Variants in AKAP3 observed in about 807,000 individuals in gnomAD.
The protein encoded by AKAP3 is A-kinase anchor protein 3.
In AKAP3, 27 loss-of-function variants were observed where a neutral mutation model predicts 57.2. The ratio of observed to expected loss-of-function variants is 0.47; its 90% CI spans 0.35 to 0.65. AKAP3 has a LOEUF of 0.65. Among genes scored for constraint, AKAP3 ranks in the 30% least tolerant of loss-of-function variants. AKAP3 has a pLI of 0.01. For missense variants in AKAP3, 959 were observed against 1,040.0 expected, an observed-to-expected ratio of 0.92 and a Z score of 1.07; for synonymous variants, 334 against 392.3, an observed-to-expected ratio of 0.85 and a Z score of 1.76.
At chr12:4,639,539 T>C (rs1945609160) in intron 3 of AKAP3, among the ~76,000 whole-genome samples, 2 of 152,120 alleles carry the variant, frequency 1.3e-5, no homozygotes, top group South Asian at 4.1e-4. Context: ...AGCTCATCAT[T>C]TACATTAGGT....
intron 4 of AKAP3, among the ~76,000 whole-genome samples, chr12:4,635,144 T>G (rs2359251): frequency 0.21 from 31,441 of 152,010 alleles, 3,820 homozygotes; most frequent in East Asian, 0.34. Flanking sequence ...TTTTCCCTAT[T>G]GCTGAAACAT....
At chr12:4,616,916 A>AAT (rs1325975864) in intron 5 of AKAP3, among the ~76,000 whole-genome samples, 1 of 152,178 alleles carries the variant, frequency 6.6e-6, no homozygotes, top group Non-Finnish European at 1.5e-5. Flanking sequence ...CTGAAGAAAT[A>AAT]ATAGATGAGA....
At chr12:4,641,149 T>C (rs1945633432) in intron 3 of AKAP3, among the ~76,000 whole-genome samples, 1 of 133,552 alleles carries the variant, frequency 7.5e-6, no homozygotes, top group South Asian at 2.6e-4. Context: ...CTCGGCTCAC[T>C]GCAACATCTG....
In AKAP3 at chr12:4,627,420, A is replaced by C; in HGVS notation, c.1482T>G (p.Phe494Leu). ...TQRKPASDISFEYPEDIGNLS... is the reference protein window; with the variant it reads ...TQRKPASDISLEYPEDIGNLS... ...GGTTGCCAATATCTTCAGGGTACTC[A>C]AAGGAAATGTCTGATGCAGGCTTAC... Residue 494 changes from phenylalanine (F) to leucine (L), a missense_variant, in exon 5 of 6, where the codon TTT becomes TTG. Coordinates refer to ENST00000228850, the MANE Select transcript of AKAP3 (RefSeq NM_001278309.2). 1 of 1,613,990 alleles carries C rather than the reference A, an allele frequency of 6.2e-7. No homozygotes were observed. The highest frequency in any genetic ancestry group is 8.5e-7 in the Non-Finnish European group (1 of 1,179,974).
At chr12:4,635,105 A>G (rs777753824) in intron 4 of AKAP3, among the ~76,000 whole-genome samples, 12 of 152,140 alleles carry the variant, frequency 7.9e-5, no homozygotes, top group Non-Finnish European at 1.6e-4. Flanking sequence ...CTAACCTTCC[A>G]ATGAAACAAG....
At chr12:4,635,768 T>C (rs7301072) in intron 4 of AKAP3, 166,943 of 713,628 alleles carry the variant, frequency 0.23, 23,725 homozygotes, top group East Asian at 0.45. Context: ...AGCTGTATCC[T>C]GTATTTCAAA....
chr12:4,626,812 T>A lies in AKAP3; in HGVS notation c.2090A>T (p.Asp697Val). ...CCTACTGGCATCTCCAGACTTGTCATCTCCCAGCTCTGCCAACGAAGCATC... is the reference window on the plus strand; with the variant it reads ...CCTACTGGCATCTCCAGACTTGTCAACTCCCAGCTCTGCCAACGAAGCATC... ...SCDASLAELG[D>V]DKSGDASRLT... Residue 697 changes from aspartate (D) to valine (V), a missense_variant, in exon 5 of 6, where the codon GAT becomes GTT. By Grantham distance (152) the Asp-to-Val change is radical. Transcript: ENST00000228850. 6.2e-7 allele frequency: 1 copy of A among 1,614,146 alleles called. No individual in the cohort carries two copies. Among genetic ancestry groups the A allele is most frequent in the Non-Finnish European group, 8.5e-7 (1 of 1,180,030 alleles).
At position 4,622,717 on chromosome 12, in the gene AKAP3, C is replaced by T. The variant is rs149001485; in HGVS notation, c.2406+3779G>A. ...ACAATACCATTCTGGACATAGGAAC[C>T]GGCAAAGATTTCATGATGAATACAC... On this transcript the variant is annotated intron_variant, in intron 5 of 5. Coordinates refer to ENST00000228850, the MANE Select transcript of AKAP3 (RefSeq NM_001278309.2). Among the ~76,000 whole-genome samples, 1,013 of 152,036 alleles carry T rather than the reference C, an allele frequency of 6.7e-3. 11 individuals are homozygous for T. Among genetic ancestry groups the T allele is most frequent in the African/African-American group, 0.023 (938 of 41,484 alleles).
At chr12:4,644,631 G>A (rs557246404) in intron 2 of AKAP3, among the ~76,000 whole-genome samples, 1 of 152,340 alleles carries the variant, frequency 6.6e-6, no homozygotes, top group African/African-American at 2.4e-5. Context: ...GGCTGAGCAG[G>A]CCAGGCATGG....
At chr12:4,629,082 T>A in intron 4 of AKAP3, among the ~76,000 whole-genome samples, 1 of 152,232 alleles carries the variant, frequency 6.6e-6, no homozygotes, top group Non-Finnish European at 1.5e-5. Flanking sequence ...AAGTGAGAGG[T>A]TAAGTCTGTA....
intron 5 of AKAP3, among the ~76,000 whole-genome samples, chr12:4,619,418 A>G (rs1473730351): frequency 4.6e-5 from 7 of 151,860 alleles, no homozygotes; most frequent in Non-Finnish European, 8.8e-5. Context: ...TTAACTGGGC[A>G]TGGTGGGGGA....
chr12:4,636,001 A>G (rs1175499856), intron 4 of AKAP3: 5 of 1,466,712 alleles, frequency 3.4e-6, no homozygotes, highest in African/African-American at 2.9e-5. Context: ...AGTTACCCCA[A>G]TGGTACTCTC....
intron 5 of AKAP3, among the ~76,000 whole-genome samples, chr12:4,616,179 G>C (rs568176710): frequency 6.6e-6 from 1 of 152,184 alleles, no homozygotes; most frequent in Non-Finnish European, 1.5e-5. Context: ...AAGACCAACA[G>C]GGCAGGATGG....
At chr12:4,621,171 TG>T (rs1335716832) in intron 5 of AKAP3, among the ~76,000 whole-genome samples, 1 of 152,118 alleles carries the variant, frequency 6.6e-6, no homozygotes, top group Middle Eastern at 3.4e-3. Flanking sequence ...AAAATATTTT[TG>T]TATAACTGTA....
At chr12:4,621,985 ACT>A (rs1485522397) in intron 5 of AKAP3, among the ~76,000 whole-genome samples, 1 of 152,060 alleles carries the variant, frequency 6.6e-6, no homozygotes, top group Non-Finnish European at 1.5e-5. Flanking sequence ...AATATATAAA[ACT>A]CTTATAGATC....
chr12:4,637,577 A>G (rs1302800264), intron 4 of AKAP3, among the ~76,000 whole-genome samples: 1 of 152,180 alleles, frequency 6.6e-6, no homozygotes, highest in Non-Finnish European at 1.5e-5. Flanking sequence ...AGTTACTGGT[A>G]CGGTTTCTAT....
At chr12:4,635,672 T>C (rs1945556134) in intron 4 of AKAP3, 3 of 769,250 alleles carry the variant, frequency 3.9e-6, no homozygotes, top group Non-Finnish European at 6.9e-6. Context: ...TGCAAAGGAC[T>C]CCTCATTTGT....
At chr12:4,617,879 G>A (rs1945305145) in intron 5 of AKAP3, among the ~76,000 whole-genome samples, 1 of 152,118 alleles carries the variant, frequency 6.6e-6, no homozygotes, top group Non-Finnish European at 1.5e-5. Flanking sequence ...AACCTTATAT[G>A]GTAGTAATAT....
chr12:4,621,461 G>A (rs1310130717), intron 5 of AKAP3, among the ~76,000 whole-genome samples: 1 of 152,026 alleles, frequency 6.6e-6, no homozygotes, highest in African/African-American at 2.4e-5. Context: ...CTATACAGAT[G>A]TACCATTTTT....
Sources: allele counts gnomAD v4.1 joint callset (sites outside exome capture counted in the v4.1 genomes callset), GRCh38; gene constraint gnomAD v4.1.1; transcripts MANE v1.5; gene names NCBI Gene and HGNC (gene_info 2026-07-23, HGNC 2026-07-21).